Variants in BACE1 observed in about 807,000 individuals in gnomAD.
BACE1 encodes the protein beta-secretase 1, also known as APP beta-secretase.
A neutral mutation model predicts 54.0 loss-of-function variants in BACE1; 21 were observed. The ratio of observed to expected loss-of-function variants is 0.39; its 90% CI spans 0.28 to 0.56. The LOEUF (loss-of-function observed/expected upper bound fraction) is 0.56, where lower values mean the gene tolerates loss of function less well. Among genes scored for constraint, BACE1 ranks in the 20% least tolerant of loss-of-function variants. The pLI, the probability that BACE1 is intolerant of heterozygous loss-of-function variation, is 0.63. For synonymous variants in BACE1, 232 were observed against 260.9 expected (o/e 0.89, Z 1.07); for missense variants, 511 against 661.2 (o/e 0.77, Z 2.49).
chr11:117,289,451 G>T lies in BACE1; in HGVS notation c.*115C>A. 1 of 1,470,064 alleles carries T rather than the reference G, an allele frequency of 6.8e-7. No individual in the cohort carries two copies. 91.1% of individuals were successfully genotyped at this position (1,470,064 alleles called of 1,614,324 possible). On this transcript the variant is annotated 3_prime_UTR_variant, in exon 9 of 9. Coordinates refer to ENST00000313005, the MANE Select transcript of BACE1 (RefSeq NM_012104.6). ...TCAAGGCAGAGGCATTTGGTGGGTG[G>T]GGAGGGTCCTGAGGTGCTCTGGCCA...
At chr11:117,308,839 G>C (rs1291738424) in intron 1 of BACE1, among the ~76,000 whole-genome samples, 3 of 151,984 alleles carry the variant, frequency 2.0e-5, no homozygotes, top group Admixed American at 6.6e-5. Flanking sequence ...TGTAATCCCA[G>C]CTACTTGAGA....
intron 1 of BACE1, among the ~76,000 whole-genome samples, chr11:117,306,325 A>G (rs1018705663): frequency 2.0e-5 from 3 of 152,110 alleles, no homozygotes; most frequent in African/African-American, 7.2e-5. Flanking sequence ...CCTTCCTGTT[A>G]TTTAACCTTG....
At position 117,315,510 on chromosome 11, in the gene BACE1, C is replaced by T. The variant is rs772143443; in HGVS notation, c.261+25G>A. 2 of 1,568,700 alleles carry T rather than the reference C, an allele frequency of 1.3e-6. No homozygotes were observed. Among genetic ancestry groups the T allele is most frequent in the Non-Finnish European group, 1.7e-6 (2 of 1,161,390 alleles). On this transcript the variant is annotated intron_variant, in intron 1 of 8. Transcript: ENST00000313005. This position sits in a 1 kb window ranked among gnomAD's most constrained non-coding sequence, Gnocchi z 5.5. ...CCCCTCTGCTCATGCAGGCGGAGGG[C>T]TAAGGGCTGGCCTGACCACCTTACC...
At chr11:117,292,642 T>C (rs2034476157) in intron 5 of BACE1, among the ~76,000 whole-genome samples, 1 of 152,076 alleles carries the variant, frequency 6.6e-6, no homozygotes, top group Admixed American at 6.6e-5. Flanking sequence ...TTTTTACCTG[T>C]TTTGCAGATA....
chr11:117,295,374 GATGC>G (rs1352547864), intron 2 of BACE1, 27 bp from the exon 3 acceptor site: 1 of 1,608,002 alleles, frequency 6.2e-7, no homozygotes. Context: ...GAGATCTGTG[GATGC>G]ATAACCACAA....
intron 6 of BACE1, among the ~76,000 whole-genome samples, chr11:117,291,375 T>G (rs1250545530): frequency 6.6e-6 from 1 of 152,098 alleles, no homozygotes; most frequent in East Asian, 1.9e-4. Flanking sequence ...CGTCCTGAGT[T>G]AAAGTGATTC....
At position 117,290,986 on chromosome 11, in the gene BACE1, T is replaced by A; in HGVS notation, c.1006A>T (p.Thr336Ser). Residue 336 changes from threonine to serine, a missense_variant, in exon 7 of 9, where the codon ACC (threonine) becomes TCC (serine). Thr to Ser is a moderately conservative substitution (Grantham distance 58). Transcript: ENST00000313005. Reference sequence around the variant, plus strand: ...ATGACTGGGAAAATGTTCCAAGGGGTGGTGCCTGCTTGCCAGCACACCAGC... The same window carrying A: ...ATGACTGGGAAAATGTTCCAAGGGGAGGTGCCTGCTTGCCAGCACACCAGC... ...EQLVCWQAGTTPWNIFPVISL... is the reference protein window; with the variant it reads ...EQLVCWQAGTSPWNIFPVISL... 1.9e-6 allele frequency: 3 copies of A among 1,614,108 alleles called. No homozygotes were observed. Among genetic ancestry groups the A allele is most frequent in the Non-Finnish European group, 2.5e-6 (3 of 1,180,014 alleles).
At chr11:117,292,008 C>G (rs2134448907) in intron 5 of BACE1, 195 bp from the exon 6 acceptor site, 1 of 432,300 alleles carries the variant, frequency 2.3e-6, no homozygotes, top group South Asian at 3.3e-5. Context: ...ATAGCACCTA[C>G]CTCAAAGGGT....
chr11:117,301,546 T>A (rs183298396), intron 1 of BACE1, among the ~76,000 whole-genome samples: 1 of 152,028 alleles, frequency 6.6e-6, no homozygotes, highest in East Asian at 1.9e-4. Flanking sequence ...GAGTTTGAGG[T>A]TGCAGTGAAC....
At chr11:117,301,333 G>A (rs2034720706) in intron 1 of BACE1, among the ~76,000 whole-genome samples, 1 of 152,218 alleles carries the variant, frequency 6.6e-6, no homozygotes, top group Non-Finnish European at 1.5e-5. Context: ...GCTGACACCT[G>A]TAATCCCAGC....
chr11:117,311,317 C>A (rs1047356677), intron 1 of BACE1, among the ~76,000 whole-genome samples: 16 of 152,270 alleles, frequency 1.1e-4, no homozygotes, highest in South Asian at 8.3e-4. Flanking sequence ...CAGAGAGAGA[C>A]CCTGTAATTA....
intron 2 of BACE1, among the ~76,000 whole-genome samples, chr11:117,296,108 C>T (rs570299990): frequency 1.3e-5 from 2 of 152,266 alleles, no homozygotes; most frequent in South Asian, 2.1e-4. Context: ...AGGATTTAAG[C>T]CTCTACTCAC....
At chr11:117,309,987 CA>C (rs28920768) in intron 1 of BACE1, among the ~76,000 whole-genome samples, 7,737 of 152,248 alleles carry the variant, frequency 0.051, 641 homozygotes, top group African/African-American at 0.17. Flanking sequence ...CGGCTCACTG[CA>C]ACCTCCACCT....
Position 117,294,000 on chromosome 11 carries a change from G to T in BACE1, c.576C>A (p.Asp192Glu). 6.2e-7 allele frequency: 1 copy of T among 1,613,598 alleles called. No individual in the cohort carries two copies. Among genetic ancestry groups the T allele is most frequent in the Non-Finnish European group, 8.5e-7 (1 of 1,179,754 alleles). ...LAYAEIARPD[D>E]SLEPFFDSLV... is the part of the protein sequence containing the mutation. Reference sequence around the variant, plus strand: ...GAGAGTCAAAGAAAGGCTCCAGGGAGTCGTCAGGCTTTGGCAGAAAGAGAC... The same window carrying T: ...GAGAGTCAAAGAAAGGCTCCAGGGATTCGTCAGGCTTTGGCAGAAAGAGAC... The change falls in exon 4 of 9, where the codon GAC (aspartate) becomes GAA (glutamate). Residue 192 changes from aspartate (D) to glutamate (E), a missense_variant. Physicochemically the swap from Asp to Glu is conservative, Grantham distance 45. This residue lies in a region of BACE1 where 407 missense variants were observed against 565.7 expected (regional missense o/e 0.72). Coordinates refer to ENST00000313005, the MANE Select transcript of BACE1 (RefSeq NM_012104.6). This position sits in a 1 kb window ranked among gnomAD's most constrained non-coding sequence, Gnocchi z 4.1.
chr11:117,303,749 C>T (rs917779676), intron 1 of BACE1, among the ~76,000 whole-genome samples: 2 of 152,216 alleles, frequency 1.3e-5, no homozygotes, highest in Admixed American at 1.3e-4. Flanking sequence ...TCCAATTCTT[C>T]TTCCTATTCA....
At chr11:117,302,327 T>C (rs925751403) in intron 1 of BACE1, among the ~76,000 whole-genome samples, 1 of 152,008 alleles carries the variant, frequency 6.6e-6, no homozygotes, top group Non-Finnish European at 1.5e-5. Flanking sequence ...AGCAAGATTC[T>C]GTCTCAAAAA....
rs149058080 is a variant in BACE1, at chr11:117,301,275, C to T, written c.262-4314G>A. 3.4e-3 allele frequency among the ~76,000 whole-genome samples: 515 copies of T among 152,284 alleles called. 2 individuals are homozygous for T. Among genetic ancestry groups the T allele is most frequent in the Non-Finnish European group, 5.6e-3 (379 of 68,016 alleles). ...TTTTTCCTCTCCTTTGAGCTCCCGACGCACGCACCCAAGTGCCTCAAAGAT... is the reference window on the plus strand; with the variant it reads ...TTTTTCCTCTCCTTTGAGCTCCCGATGCACGCACCCAAGTGCCTCAAAGAT... On this transcript the variant is annotated intron_variant, in intron 1 of 8. Transcript: ENST00000313005.
At chr11:117,292,815 C>G in intron 5 of BACE1, 1 of 437,388 alleles carries the variant, frequency 2.3e-6, no homozygotes. Flanking sequence ...AAGGCAGTGA[C>G]TAGAGTCCAG....
intron 1 of BACE1, among the ~76,000 whole-genome samples, chr11:117,312,204 CCTCT>C (rs1295483367): frequency 3.3e-5 from 5 of 152,104 alleles, no homozygotes; most frequent in Non-Finnish European, 7.3e-5. Flanking sequence ...CATAACTCAT[CCTCT>C]CATTCACTGT....
Sources: gnomAD v4.1 joint callset for allele counts (sites outside exome capture counted in the v4.1 genomes callset) on GRCh38, gnomAD v4.1.1 for gene constraint, gnomAD v4.1.1 regional missense constraint, Gnocchi (gnomAD v3.1) non-coding constraint, MANE v1.5 for transcripts, NCBI Gene and HGNC (gene_info 2026-07-23, HGNC 2026-07-21) for gene names.